Variants in MSRB2 observed in about 807,000 individuals in gnomAD.
MSRB2 encodes methionine-R-sulfoxide reductase B2, mitochondrial.
In MSRB2, 17 loss-of-function variants were observed where a neutral mutation model predicts 19.0. The ratio of observed to expected loss-of-function variants is 0.89; its 90% CI spans 0.61 to 1.34. The LOEUF (loss-of-function observed/expected upper bound fraction) is 1.34, where lower values mean the gene tolerates loss of function less well. MSRB2 is among the 40% of genes most tolerant of loss of function. MSRB2 has a pLI of 0.00. For missense variants in MSRB2, 208 were observed against 237.6 expected, an observed-to-expected ratio of 0.88 and a Z score of 0.82; for synonymous variants, 107 against 99.7, an observed-to-expected ratio of 1.07 and a Z score of -0.44.
rs1840184635 is a variant in MSRB2, at chr10:23,121,625, G to A, written c.*763G>A. The A allele has an allele frequency of 6.6e-6, 1 of 152,212 alleles. No homozygotes were observed. The highest frequency in any genetic ancestry group is 2.1e-4 in the South Asian group (1 of 4,830). 9.4% of individuals were successfully genotyped at this position (152,212 alleles called of 1,614,324 possible). A position where few individuals can be genotyped will look rare whatever the true frequency, so the allele number is the denominator to read the frequency against. On this transcript the variant is annotated 3_prime_UTR_variant, in exon 5 of 5. Transcript: ENST00000376510. ...CGAGGGCATGACTCTGGGAACATCAGGAGGCTGATGGACTATTAAGCCAAA... is the reference window on the plus strand; with the variant it reads ...CGAGGGCATGACTCTGGGAACATCAAGAGGCTGATGGACTATTAAGCCAAA...
intron 2 of MSRB2, among the ~76,000 whole-genome samples, chr10:23,105,346 TTTG>T (rs1407789991): frequency 6.6e-6 from 1 of 152,122 alleles, no homozygotes; most frequent in Non-Finnish European, 1.5e-5. Context: ...ACAATACATT[TTTG>T]TTAAGTGTCA....
intron 3 of MSRB2, among the ~76,000 whole-genome samples, chr10:23,111,068 A>G (rs1025686347): frequency 6.6e-6 from 1 of 152,188 alleles, no homozygotes; most frequent in African/African-American, 2.4e-5. Context: ...TGCATTGCCC[A>G]TTAGGCAGTG....
intron 1 of MSRB2, 116 bp from the exon 2 acceptor site, chr10:23,104,028 A>G (rs1240157817): frequency 1.2e-5 from 8 of 674,538 alleles, no homozygotes; most frequent in Non-Finnish European, 1.9e-5. Flanking sequence ...TGGGAGAGAG[A>G]GGAAGGGACT....
chr10:23,098,450 G>A (rs975551004), intron 1 of MSRB2, among the ~76,000 whole-genome samples: 1 of 152,194 alleles, frequency 6.6e-6, no homozygotes, highest in Admixed American at 6.5e-5. Flanking sequence ...CAAGGAATTT[G>A]AGTTTATTAA....
chr10:23,107,219 C>A (rs1839994849), intron 2 of MSRB2, among the ~76,000 whole-genome samples: 1 of 152,246 alleles, frequency 6.6e-6, no homozygotes, highest in Admixed American at 6.5e-5. Context: ...AAAACCAACT[C>A]CAATCAGGCG....
chr10:23,113,749 G>T (rs1233127171), intron 3 of MSRB2, among the ~76,000 whole-genome samples: 3 of 152,282 alleles, frequency 2.0e-5, no homozygotes, highest in Middle Eastern at 3.4e-3. Flanking sequence ...AGCCCAGACA[G>T]AGAGGAGACA....
At chr10:23,097,571 C>T (rs1839881758) in intron 1 of MSRB2, among the ~76,000 whole-genome samples, 1 of 152,220 alleles carries the variant, frequency 6.6e-6, no homozygotes, top group African/African-American at 2.4e-5. Flanking sequence ...CACATTCCAT[C>T]TCATTGGGAG....
chr10:23,110,196 C>A (rs1840034188), intron 2 of MSRB2, 46 bp from the exon 3 acceptor site: 2 of 1,460,288 alleles, frequency 1.4e-6, no homozygotes, highest in African/African-American at 1.4e-5. Flanking sequence ...CAACTCCTGC[C>A]AGTAGTATGA....
intron 4 of MSRB2, among the ~76,000 whole-genome samples, chr10:23,120,169 C>T (rs750031772): frequency 4.3e-4 from 66 of 152,184 alleles, no homozygotes; most frequent in Non-Finnish European, 8.5e-4. Context: ...TCCTTTTGCA[C>T]CCTGCAGCGT....
chr10:23,111,548 C>T (rs1383226081), intron 3 of MSRB2, among the ~76,000 whole-genome samples: 7 of 152,174 alleles, frequency 4.6e-5, no homozygotes, highest in African/African-American at 1.7e-4. Flanking sequence ...CCTTGATGTT[C>T]CGGTTTCTGC....
At chr10:23,101,984 G>T (rs1443087497) in intron 1 of MSRB2, among the ~76,000 whole-genome samples, 2 of 152,040 alleles carry the variant, frequency 1.3e-5, no homozygotes, top group Non-Finnish European at 2.9e-5. Flanking sequence ...ACAGTTTTGG[G>T]GAGGACTGGT....
intron 2 of MSRB2, among the ~76,000 whole-genome samples, chr10:23,108,238 A>G (rs796212871): frequency 1.3e-5 from 2 of 152,124 alleles, no homozygotes; most frequent in African/African-American, 4.8e-5. Context: ...GATTACAGGC[A>G]TGAGCCACCG....
Position 23,121,358 on chromosome 10 carries a change from C to CAGAGTTG in MSRB2, c.*499_*500insGTTGAGA, listed in dbSNP as rs1840181210. The CAGAGTTG allele has an allele frequency of 6.5e-6, 1 of 154,852 alleles. No individual in the cohort carries two copies. Among genetic ancestry groups the CAGAGTTG allele is most frequent in the Admixed American group, 6.3e-5 (1 of 15,814 alleles). The allele number at this position is 154,852 out of a possible 1,614,324, so 9.6% of individuals were successfully genotyped here. On this transcript the variant is annotated 3_prime_UTR_variant, in exon 5 of 5. Transcript: ENST00000376510. The stretch of plus-strand genomic sequence containing the variant: ...GAGGTGCCACATACTTTTAAACAGC[C>CAGAGTTG]AGATCTCTCAAGAACTCACTCACTG...
intron 3 of MSRB2, among the ~76,000 whole-genome samples, chr10:23,116,870 G>T (rs1322855213): frequency 6.6e-6 from 1 of 152,148 alleles, no homozygotes; most frequent in Non-Finnish European, 1.5e-5. Context: ...CTTAGGTCCT[G>T]TTTATAATTT....
chr10:23,116,192 C>A (rs948578999), intron 3 of MSRB2, among the ~76,000 whole-genome samples: 1 of 145,990 alleles, frequency 6.8e-6, no homozygotes, highest in Non-Finnish European at 1.5e-5. Context: ...GGTGATAATG[C>A]CATTGCTATT....
intron 3 of MSRB2, among the ~76,000 whole-genome samples, chr10:23,118,269 G>C (rs1840134994): frequency 6.6e-6 from 1 of 151,074 alleles, no homozygotes; most frequent in South Asian, 2.1e-4. Context: ...TGCCAGCTAG[G>C]CTTCCTTCTG....
In MSRB2 at chr10:23,115,849, CATTT is replaced by C. The variant is rs551391803; in HGVS notation, c.297-3449_297-3446del. Reference sequence around the variant, plus strand: ...AATGAGTTTTTATTAGCCTTAGTTTCATTTATTTAAAAAATTTTATTGTATTCAT... The same window carrying C: ...AATGAGTTTTTATTAGCCTTAGTTTCATTTAAAAAATTTTATTGTATTCAT... On this transcript the variant is annotated intron_variant, in intron 3 of 4. Coordinates refer to ENST00000376510, the MANE Select transcript of MSRB2 (RefSeq NM_012228.4). 4.7e-3 allele frequency among the ~76,000 whole-genome samples: 713 copies of C among 152,202 alleles called. 3 individuals carry two copies. Among genetic ancestry groups the C allele is most frequent in the African/African-American group, 0.016 (673 of 41,518 alleles).
chr10:23,118,200 C>T (rs919530162), intron 3 of MSRB2, among the ~76,000 whole-genome samples: 1 of 152,078 alleles, frequency 6.6e-6, no homozygotes, highest in Non-Finnish European at 1.5e-5. Flanking sequence ...TGAGGGGTGC[C>T]GAGACCAAAA....
At chr10:23,110,818 A>G (rs1165541196) in intron 3 of MSRB2, among the ~76,000 whole-genome samples, 1 of 152,226 alleles carries the variant, frequency 6.6e-6, no homozygotes, top group African/African-American at 2.4e-5. Flanking sequence ...TATAGCTAAA[A>G]GTAAACTTAT....
Sources: allele counts gnomAD v4.1 joint callset (sites outside exome capture counted in the v4.1 genomes callset), GRCh38; gene constraint gnomAD v4.1.1; transcripts MANE v1.5; gene names NCBI Gene and HGNC (gene_info 2026-07-23, HGNC 2026-07-21).